The following ZNF333 variants were observed in gnomAD, a reference collection of about 807,000 sequenced individuals.
The protein encoded by ZNF333 is zinc finger protein 333.
In ZNF333, 61 loss-of-function variants were observed where a neutral mutation model predicts 76.1. The ratio of observed to expected loss-of-function variants is 0.80; its 90% confidence interval spans 0.65 to 0.99. ZNF333 has a LOEUF of 0.99. Ranked by LOEUF, ZNF333 falls within the 50% of genes least tolerant of loss-of-function variation. ZNF333 has a pLI of 0.00. For missense variants in ZNF333, 717 were observed against 822.4 expected (o/e 0.87, Z 1.57); for synonymous variants, 284 against 305.0 (o/e 0.93, Z 0.72).
intron 1 of ZNF333, among the ~76,000 whole-genome samples, chr19:14,690,512 G>A (rs1433552117): frequency 6.6e-6 from 1 of 152,202 alleles, no homozygotes; most frequent in Admixed American, 6.5e-5. Flanking sequence ...CAGTATGCAA[G>A]ATAACTGCGA....
In ZNF333 at chr19:14,699,212, A is replaced by C. The variant is rs781386071; in HGVS notation, c.237A>C (p.Gln79His). The C allele has an allele frequency of 7.4e-6, 12 of 1,613,724 alleles. No homozygotes were observed. Among genetic ancestry groups the C allele is most frequent in the African/African-American group, 1.3e-5 (1 of 74,888 alleles). ...CATTCATTTCAGCCTGGGAATCTCA[A>C]CTTAAACCCGAAGAGTTGCCTTCTA... ...LRATGVAWESQLKPEELPSMQ... is the reference protein window; with the variant it reads ...LRATGVAWESHLKPEELPSMQ... Residue 79 changes from glutamine to histidine, a missense_variant, in exon 5 of 12, where the codon CAA becomes CAC. Coordinates refer to ENST00000292530, the MANE Select transcript of ZNF333 (RefSeq NM_032433.4).
At chr19:14,727,024 C>CTTTTTTTTTTT (rs33936016) in intron 11 of ZNF333, among the ~76,000 whole-genome samples, 1 of 70,098 alleles carries the variant, frequency 1.4e-5, no homozygotes, top group Non-Finnish European at 2.5e-5. Flanking sequence ...AGAAAAGAGG[C>CTTTTTTTTTTT]TTTTTTTTTT....
rs868570701 is a variant in ZNF333, at chr19:14,694,049, T to C, written c.3+555T>C. On this transcript the variant is annotated intron_variant, in intron 2 of 11. Transcript: ENST00000292530. ...CAGTTTCTCAGTCGCCCCAGTCACA[T>C]TGCCCAAGTGCTCAACAGCCACATG... Among the ~76,000 whole-genome samples, 60 of 151,658 alleles carry C rather than the reference T, an allele frequency of 4.0e-4. 1 individual carries two copies. Among genetic ancestry groups the C allele is most frequent in the African/African-American group, 1.4e-3 (57 of 41,336 alleles).
At chr19:14,697,660 C>G (rs1973319295) in intron 4 of ZNF333, among the ~76,000 whole-genome samples, 1 of 152,106 alleles carries the variant, frequency 6.6e-6, no homozygotes, top group Non-Finnish European at 1.5e-5. Flanking sequence ...CGTGCCTGGC[C>G]TTGTGTACAA....
At chr19:14,733,206 G>A (rs982681751) in exon 12 of ZNF333, 1 of 152,198 alleles carries the variant, frequency 6.6e-6, no homozygotes, top group Non-Finnish European at 1.5e-5. Flanking sequence ...GATCAGGAGT[G>A]ACTTGAGGGT....
chr19:14,697,260 G>A (rs1230139306), intron 4 of ZNF333, among the ~76,000 whole-genome samples: 13 of 150,514 alleles, frequency 8.6e-5, no homozygotes, highest in Admixed American at 8.6e-4. Flanking sequence ...TTGATTATTT[G>A]TTCATCAGTT....
intron 4 of ZNF333, among the ~76,000 whole-genome samples, chr19:14,697,893 G>T (rs1003689041): frequency 2.0e-5 from 3 of 152,074 alleles, no homozygotes; most frequent in Non-Finnish European, 4.4e-5. Context: ...ACCTTTTTAT[G>T]TATGTTCTTT....
At chr19:14,701,227 C>G (rs1353778731) in intron 5 of ZNF333, among the ~76,000 whole-genome samples, 2 of 152,112 alleles carry the variant, frequency 1.3e-5, no homozygotes, top group South Asian at 2.1e-4. Context: ...TACAGAACAT[C>G]CTTTTTTCTT....
intron 7 of ZNF333, among the ~76,000 whole-genome samples, chr19:14,711,358 G>A (rs1432508309): frequency 2.0e-5 from 3 of 152,156 alleles, no homozygotes; most frequent in African/African-American, 7.2e-5. Flanking sequence ...ATCCAGGCCT[G>A]CTGGGTTAAC....
chr19:14,719,233 C>T lies in ZNF333; in HGVS notation c.1906C>T (p.His636Tyr), dbSNP rs765746353. 6.8e-6 allele frequency: 11 copies of T among 1,614,094 alleles called. No homozygotes were observed. The highest frequency in any genetic ancestry group is 1.1e-5 in the South Asian group (1 of 91,090). Residue 636 changes from histidine (H) to tyrosine (Y), a missense_variant, in exon 12 of 12, where the codon CAC becomes TAC. Physicochemically the swap from His to Tyr is moderately conservative, Grantham distance 83. Transcript: ENST00000292530. ...AFRHSSSLTV[H>Y]KRTHVGRETI... is the part of the protein sequence containing the mutation. ...CAGGCACAGCTCCTCACTCACTGTA[C>T]ACAAAAGAACCCATGTGGGAAGAGA...
chr19:14,715,044 T>C (rs1342263832), intron 7 of ZNF333: 9 of 174,888 alleles, frequency 5.1e-5, no homozygotes, highest in South Asian at 3.7e-4. Flanking sequence ...CGTGCGTGTG[T>C]GTGTGTGTGT....
chr19:14,715,328 A>T, intron 7 of ZNF333, 54 bp from the exon 8 acceptor site: 1 of 1,544,282 alleles, frequency 6.5e-7, no homozygotes, highest in Admixed American at 1.7e-5. Context: ...GGGGCCTGTG[A>T]GTGTGCCCAG....
intron 9 of ZNF333, 46 bp downstream of exon 9, chr19:14,716,284 A>G (rs1161813701): frequency 2.5e-6 from 4 of 1,581,616 alleles, no homozygotes; most frequent in African/African-American, 2.8e-5. Context: ...TTTGAGACAG[A>G]GTCTTGCTCT....
chr19:14,706,237 G>A (rs1303663243), intron 6 of ZNF333: 2 of 453,406 alleles, frequency 4.4e-6, no homozygotes, highest in East Asian at 1.4e-4. Flanking sequence ...CAGGTCAGAC[G>A]TGTTTCCTGA....
At chr19:14,698,935 T>TATATATATATAGATAGATATATATAC (rs1180611568) in intron 4 of ZNF333, among the ~76,000 whole-genome samples, 5 of 139,328 alleles carry the variant, frequency 3.6e-5, no homozygotes, top group African/African-American at 5.5e-5. Flanking sequence ...TATATATATA[T>TATATATATATAGATAGATATATATAC]ACACACATAT....
chr19:14,728,077 G>A (rs780604748), intron 11 of ZNF333, among the ~76,000 whole-genome samples: 14 of 152,290 alleles, frequency 9.2e-5, no homozygotes, highest in Non-Finnish European at 1.5e-4. Flanking sequence ...GCCGGGTGTG[G>A]TGGTGGGCGC....
In ZNF333 at chr19:14,718,228, G is replaced by A. The variant is rs201084788; in HGVS notation, c.901G>A (p.Glu301Lys). The change falls in exon 12 of 12, where the codon GAG becomes AAG. Residue 301 changes from glutamate (E) to lysine (K), a missense_variant and splice_region_variant. Transcript: ENST00000292530. ...TEILSIDVKG[E>K]QPQPGEKLYK... is the part of the protein sequence containing the mutation. ...TCTTCACATTTTCCTTCATCGACAG[G>A]AGCAACCTCAGCCTGGAGAAAAACT... 6.2e-7 allele frequency: 1 copy of A among 1,604,006 alleles called. No individual in the cohort carries two copies. Among genetic ancestry groups the A allele is most frequent in the South Asian group, 1.1e-5 (1 of 89,522 alleles).
At chr19:14,692,185 A>G (rs1156578450) in intron 1 of ZNF333, among the ~76,000 whole-genome samples, 2 of 152,244 alleles carry the variant, frequency 1.3e-5, no homozygotes, top group Admixed American at 6.5e-5. Flanking sequence ...TGGTAAATTA[A>G]TAGTGCCAAA....
chr19:14,694,025 A>T (rs1467274404), intron 2 of ZNF333, among the ~76,000 whole-genome samples: 1 of 150,804 alleles, frequency 6.6e-6, no homozygotes, highest in African/African-American at 2.4e-5. Context: ...TTAAGCGCTC[A>T]GTTTCTCAGT....
Sources: allele counts gnomAD v4.1 joint callset (sites outside exome capture counted in the v4.1 genomes callset), GRCh38; gene constraint gnomAD v4.1.1; transcripts MANE v1.5; gene names NCBI Gene and HGNC (gene_info 2026-07-23, HGNC 2026-07-21).